Variants in RASAL2 observed in about 807,000 individuals in gnomAD.
The protein encoded by RASAL2 is RAS protein activator like 2.
Under a neutral mutation model 128.9 loss-of-function variants are expected in RASAL2, and 58 were observed. The observed-to-expected ratio is 0.45, with a 90% CI of 0.36 to 0.56. The LOEUF (loss-of-function observed/expected upper bound fraction) is 0.56. Among genes scored for constraint, RASAL2 ranks in the 20% least tolerant of loss-of-function variants. The probability of loss-of-function intolerance (pLI) is 0.00; values close to 1 mark genes in which losing one functional copy is unlikely to be tolerated. For synonymous variants in RASAL2, 561 were observed against 580.8 expected, an observed-to-expected ratio of 0.97 and a Z score of 0.49; for missense variants, 1,360 against 1,601.6, an observed-to-expected ratio of 0.85 and a Z score of 2.57.
chr1:178,382,232 T>C (rs1672324387), intron 3 of RASAL2, among the ~76,000 whole-genome samples: 1 of 152,186 alleles, frequency 6.6e-6, no homozygotes, highest in Non-Finnish European at 1.5e-5. Flanking sequence ...GTTTCCTGTT[T>C]TGTTCACATT....
At position 178,373,274 on chromosome 1, in the gene RASAL2, C is replaced by CTTT. The variant is rs60835442; in HGVS notation, c.458-16813_458-16811dup. 6.3e-4 allele frequency among the ~76,000 whole-genome samples: 38 copies of CTTT among 60,074 alleles called. 3 individuals are homozygous for CTTT. Among genetic ancestry groups the CTTT allele is most frequent in the Non-Finnish European group, 3.0e-4 (10 of 33,326 alleles). The allele number at this position is 60,074 out of a possible 152,430, so 39.4% of individuals were successfully genotyped here. A position where few individuals can be genotyped will look rare whatever the true frequency, so the allele number is the denominator to read the frequency against. ...TCAATCTTAGCATTCTGTTTCTTTC[C>CTTT]TTTTTTTTTTTTTTTGCAGTTTAGA... On this transcript the variant is annotated intron_variant, in intron 3 of 17. Transcript: ENST00000367649.
intron 1 of RASAL2, among the ~76,000 whole-genome samples, chr1:178,198,491 CT>C (rs947800791): frequency 8.5e-5 from 13 of 152,112 alleles, no homozygotes; most frequent in African/African-American, 3.1e-4. Flanking sequence ...TGTGGATGTC[CT>C]TTTTGTTGAT....
At chr1:178,232,161 G>A (rs1664037014) in intron 1 of RASAL2, among the ~76,000 whole-genome samples, 1 of 152,018 alleles carries the variant, frequency 6.6e-6, no homozygotes, top group Non-Finnish European at 1.5e-5. Context: ...TGTTTTATTG[G>A]TAGTCTGAAG....
intron 1 of RASAL2, among the ~76,000 whole-genome samples, chr1:178,183,443 A>G (rs1662183695): frequency 6.6e-6 from 1 of 152,196 alleles, no homozygotes; most frequent in Non-Finnish European, 1.5e-5. Flanking sequence ...GAATAGTTCC[A>G]CTGCCAAGAA....
At chr1:178,319,643 A>G (rs1668655419) in intron 3 of RASAL2, among the ~76,000 whole-genome samples, 1 of 149,036 alleles carries the variant, frequency 6.7e-6, no homozygotes, top group Non-Finnish European at 1.5e-5. Context: ...TTTCAGCTCC[A>G]TCAGCTCCTT....
chr1:178,167,672 A>G (rs961938142), intron 1 of RASAL2, among the ~76,000 whole-genome samples: 1 of 152,030 alleles, frequency 6.6e-6, no homozygotes, highest in Non-Finnish European at 1.5e-5. Context: ...ATACAAATAA[A>G]CTAGTATTTA....
intron 2 of RASAL2, among the ~76,000 whole-genome samples, chr1:178,287,312 A>AT (rs891185801): frequency 7.3e-5 from 11 of 151,038 alleles, no homozygotes; most frequent in Admixed American, 2.0e-4. Flanking sequence ...ATCACAAAAC[A>AT]TTTTCCCACT....
At chr1:178,370,195 G>A (rs1490296614) in intron 3 of RASAL2, among the ~76,000 whole-genome samples, 3 of 152,196 alleles carry the variant, frequency 2.0e-5, no homozygotes, top group Non-Finnish European at 4.4e-5. Flanking sequence ...GCCACTTTCA[G>A]TGGAACATGT....
At chr1:178,112,628 C>G (rs1439080592) in intron 1 of RASAL2, among the ~76,000 whole-genome samples, 8 of 150,254 alleles carry the variant, frequency 5.3e-5, no homozygotes, top group South Asian at 4.2e-4. Context: ...TGGAAATCAT[C>G]ATTCTCAGTA....
intron 1 of RASAL2, among the ~76,000 whole-genome samples, chr1:178,213,296 G>A (rs963619947): frequency 3.9e-5 from 6 of 152,038 alleles, no homozygotes; most frequent in Admixed American, 6.6e-5. Flanking sequence ...CTCCTGCCTC[G>A]GCTTCCCAAA....
rs769791322 is a variant in RASAL2 at position 178,260,978 on chromosome 1, A to G, written c.203-22586A>G. Among the ~76,000 whole-genome samples, 6 of 152,326 alleles carry G rather than the reference A, an allele frequency of 3.9e-5. 1 individual carries two copies. The South Asian group carries it at 1.2e-3, about 32-fold the overall frequency. On this transcript the variant is annotated intron_variant, in intron 1 of 17. Transcript: ENST00000367649. ...GCTAAATAGAAATTGTTGTTGTTCTATAATCTTGGCGTTAGAACAGTCTGA... is the reference window on the plus strand; with the variant it reads ...GCTAAATAGAAATTGTTGTTGTTCTGTAATCTTGGCGTTAGAACAGTCTGA...
chr1:178,094,652 C>A lies in RASAL2; in HGVS notation c.160C>A (p.Leu54Met). The A allele has an allele frequency of 1.2e-6, 2 of 1,614,088 alleles. No individual in the cohort carries two copies. Among genetic ancestry groups the A allele is most frequent in the Non-Finnish European group, 1.7e-6 (2 of 1,180,046 alleles). The change falls in exon 1 of 18, where the codon CTG becomes ATG. Residue 54 changes from leucine to methionine, a missense_variant. Transcript: ENST00000367649. The stretch of plus-strand genomic sequence containing the variant: ...CGGTGGCATGTTGGATCGGATCCTT[C>A]TGGAGTCCGTGTGCCAGCAACAGAG... Reference protein sequence around the residue: ...VAGGMLDRILLESVCQQQSWV... With the variant: ...VAGGMLDRILMESVCQQQSWV...
At chr1:178,382,660 A>G (rs527665570) in intron 3 of RASAL2, among the ~76,000 whole-genome samples, 4 of 152,306 alleles carry the variant, frequency 2.6e-5, no homozygotes, top group East Asian at 3.9e-4. Context: ...TGAGGATTAA[A>G]GATGTAACTT....
intron 5 of RASAL2, among the ~76,000 whole-genome samples, chr1:178,432,881 T>C (rs1377917953): frequency 6.6e-6 from 1 of 152,134 alleles, no homozygotes; most frequent in African/African-American, 2.4e-5. Flanking sequence ...CTCTCCACTC[T>C]CTGTGTACTC....
Position 178,346,067 on chromosome 1 carries a change from A to G in RASAL2, c.458-44033A>G, listed in dbSNP as rs142466473. ...TGCTTTATTTATGAATCTCTATTGTACAGCTGAAATTTAAGGAGTTTTTTT... is the reference window on the plus strand; with the variant it reads ...TGCTTTATTTATGAATCTCTATTGTGCAGCTGAAATTTAAGGAGTTTTTTT... On this transcript the variant is annotated intron_variant, in intron 3 of 17. Transcript: ENST00000367649. Among the ~76,000 whole-genome samples the G allele has an allele frequency of 2.4e-4, 37 of 152,294 alleles. 1 individual carries two copies. The East Asian group carries it at 5.2e-3, about 21-fold the overall frequency.
intron 4 of RASAL2, among the ~76,000 whole-genome samples, chr1:178,400,796 G>T (rs1673575624): frequency 6.6e-6 from 1 of 152,068 alleles, no homozygotes; most frequent in Admixed American, 6.6e-5. Flanking sequence ...AGTCACTCAG[G>T]TTGGAATGCA....
intron 1 of RASAL2, among the ~76,000 whole-genome samples, chr1:178,243,383 G>A (rs1201335602): frequency 6.6e-6 from 1 of 152,078 alleles, no homozygotes; most frequent in African/African-American, 2.4e-5. Context: ...GGTTTTGGCA[G>A]GACCTCCCAG....
In RASAL2 at chr1:178,473,159, G is replaced by A. The variant is rs771862724; in HGVS notation, c.3763G>A (p.Val1255Ile). The part of the protein sequence containing the change: ...TQVKERYSMQ[V>I]RNGISPTNPT... ...AGTGAAGGAGCGGTACAGCATGCAG[G>A]TCCGCAATGGCATCTCCCCCACCAA... The change falls in exon 18 of 18, where the codon GTC (valine) becomes ATC (isoleucine). Residue 1255 changes from valine (V) to isoleucine (I), a missense_variant. Physicochemically the swap from Val to Ile is conservative, Grantham distance 29. Around this residue, in one of 3 missense-constraint regions of RASAL2, gnomAD observed 741 missense variants for 868.6 expected, o/e 0.85. Transcript: ENST00000367649. 1 of 1,614,052 alleles carries A rather than the reference G, an allele frequency of 6.2e-7. No homozygotes were observed. Among genetic ancestry groups the A allele is most frequent in the African/African-American group, 1.3e-5 (1 of 74,904 alleles).
intron 7 of RASAL2, among the ~76,000 whole-genome samples, chr1:178,442,114 C>G (rs1676697407): frequency 6.6e-6 from 1 of 152,096 alleles, no homozygotes; most frequent in Non-Finnish European, 1.5e-5. Flanking sequence ...AATCTGCCCC[C>G]ATGATCCAAA....
Sources: gnomAD v4.1 joint callset for allele counts (sites outside exome capture counted in the v4.1 genomes callset) on GRCh38, gnomAD v4.1.1 for gene constraint, gnomAD v4.1.1 regional missense constraint, MANE v1.5 for transcripts, NCBI Gene and HGNC (gene_info 2026-07-23, HGNC 2026-07-21) for gene names.